The following RBPMS variants were observed in gnomAD, a reference collection of about 807,000 sequenced individuals.
The protein encoded by RBPMS is RNA-binding protein with multiple splicing.
A neutral mutation model predicts 26.8 loss-of-function variants in RBPMS; 7 were observed. The observed-to-expected ratio is 0.26, with a 90% confidence interval of 0.15 to 0.49. RBPMS has a LOEUF of 0.49. Among genes scored for constraint, RBPMS ranks in the 20% least tolerant of loss-of-function variants. The probability of loss-of-function intolerance (pLI) is 0.98; values close to 1 mark genes in which losing one functional copy is unlikely to be tolerated. For synonymous variants in RBPMS, 96 were observed against 93.3 expected (o/e 1.03, Z -0.17); for missense variants, 186 against 250.0 (o/e 0.74, Z 1.73).
At chr8:30,432,072 G>A (rs1256200223) in intron 1 of RBPMS, among the ~76,000 whole-genome samples, 1 of 152,110 alleles carries the variant, frequency 6.6e-6, no homozygotes, top group Non-Finnish European at 1.5e-5. Flanking sequence ...GCTGCAGTGA[G>A]CCATGATCAC....
chr8:30,391,580 T>C (rs774600406), intron 1 of RBPMS, among the ~76,000 whole-genome samples: 7 of 152,178 alleles, frequency 4.6e-5, no homozygotes, highest in Non-Finnish European at 7.4e-5. Flanking sequence ...ATGGATGCTA[T>C]GTTGGTATGA....
intron 6 of RBPMS, among the ~76,000 whole-genome samples, chr8:30,548,481 T>A (rs1585844842): frequency 6.6e-6 from 1 of 152,226 alleles, no homozygotes; most frequent in African/African-American, 2.4e-5. Context: ...AGAGGCCTCA[T>A]TTGTCCAGAG....
chr8:30,442,968 T>G (rs1813287428), intron 1 of RBPMS, among the ~76,000 whole-genome samples: 1 of 152,240 alleles, frequency 6.6e-6, no homozygotes, highest in Non-Finnish European at 1.5e-5. Flanking sequence ...TATTTACTTA[T>G]CATAGCTTTT....
chr8:30,568,911 A>G (rs1232090076), intron 8 of RBPMS, among the ~76,000 whole-genome samples: 3 of 151,908 alleles, frequency 2.0e-5, no homozygotes, highest in African/African-American at 4.9e-5. Flanking sequence ...TCCCATTTAC[A>G]TGGCAGTTAT....
intron 5 of RBPMS, among the ~76,000 whole-genome samples, chr8:30,515,473 T>TC (rs1388378900): frequency 1.3e-5 from 2 of 152,194 alleles, no homozygotes; most frequent in African/African-American, 4.8e-5. Flanking sequence ...CATATTTTTT[T>TC]CATATACTAC....
Position 30,536,056 on chromosome 8 carries a change from T to C in RBPMS, c.398-8438T>C, listed in dbSNP as rs182227403. Among the ~76,000 whole-genome samples the C allele has an allele frequency of 1.8e-3, 266 of 151,804 alleles. 1 individual carries two copies. Among genetic ancestry groups the C allele is most frequent in the Middle Eastern group, 3.4e-3 (1 of 294 alleles). The stretch of plus-strand genomic sequence containing the variant: ...CATGCGCTATGCTAGGTACTGGAGA[T>C]ACAGCAGTAAGCACAACAGACACAG... On this transcript the variant is annotated intron_variant, in intron 5 of 8. Coordinates refer to ENST00000397323, the MANE Select transcript of RBPMS (RefSeq NM_001008710.3).
intron 5 of RBPMS, among the ~76,000 whole-genome samples, chr8:30,541,153 AAG>A (rs1202995592): frequency 6.6e-6 from 1 of 152,162 alleles, no homozygotes; most frequent in Admixed American, 6.5e-5. Context: ...AGTTGTTTCT[AAG>A]AGTCATTCAT....
chr8:30,437,156 C>T (rs951251751), intron 1 of RBPMS, among the ~76,000 whole-genome samples: 6 of 151,622 alleles, frequency 4.0e-5, no homozygotes, highest in African/African-American at 1.5e-4. Context: ...CTCCTGACCT[C>T]ATGATCCGCC....
intron 1 of RBPMS, among the ~76,000 whole-genome samples, chr8:30,424,090 C>T (rs1273932876): frequency 1.3e-5 from 2 of 152,090 alleles, no homozygotes. Context: ...TGCCCACCTC[C>T]GTCTTCCAAA....
chr8:30,421,059 C>T lies in RBPMS; in HGVS notation c.66+35901C>T, dbSNP rs11574517. On this transcript the variant is annotated intron_variant, in intron 1 of 8. Transcript: ENST00000397323. ...ATCCCATGCTTTAAATTTATTTGTG[C>T]TGAATTGTGAAGATGATGAGCTTAA... is the stretch of plus-strand genomic sequence containing the variant. Among the ~76,000 whole-genome samples the T allele has an allele frequency of 8.5e-3, 1,287 of 152,162 alleles. 23 individuals carry two copies. Among genetic ancestry groups the T allele is most frequent in the African/African-American group, 0.028 (1,158 of 41,522 alleles).
At chr8:30,519,462 T>C (rs1018026877) in intron 5 of RBPMS, among the ~76,000 whole-genome samples, 110 of 1,568 alleles carry the variant, frequency 0.07, 3 homozygotes, top group East Asian at 0.12. Context: ...CTCTCTCTTT[T>C]TTTTTTTTTT....
intron 5 of RBPMS, among the ~76,000 whole-genome samples, chr8:30,518,686 A>ATTTTTTTTTTTTT (rs1563402271): frequency 2.5e-4 from 2 of 8,108 alleles, no homozygotes; most frequent in Non-Finnish European, 3.3e-4. Context: ...GCCAAGCATG[A>ATTTTTTTTTTTTT]CTTTTTTTTT....
At chr8:30,417,363 G>T (rs1398538807) in intron 1 of RBPMS, among the ~76,000 whole-genome samples, 1 of 152,038 alleles carries the variant, frequency 6.6e-6, no homozygotes, top group East Asian at 1.9e-4. Context: ...TCACTACTTA[G>T]TCCCAGATAA....
At chr8:30,485,618 G>T (rs28595748) in intron 4 of RBPMS, among the ~76,000 whole-genome samples, 9,369 of 152,230 alleles carry the variant, frequency 0.062, 925 homozygotes, top group African/African-American at 0.21. Flanking sequence ...GTGATGTGGG[G>T]CCATTGGGCC....
At chr8:30,544,670 T>C in intron 6 of RBPMS, 46 bp downstream of exon 6, 1 of 1,611,404 alleles carries the variant, frequency 6.2e-7, no homozygotes, top group Non-Finnish European at 8.5e-7. Context: ...TCACCACCAG[T>C]CCTTTCAAAC....
chr8:30,485,248 G>A (rs1020735787), intron 4 of RBPMS, among the ~76,000 whole-genome samples: 6 of 152,172 alleles, frequency 3.9e-5, no homozygotes, highest in Admixed American at 3.3e-4. Flanking sequence ...TTGTGAGTTA[G>A]GTGAATTATT....
intron 2 of RBPMS, among the ~76,000 whole-genome samples, chr8:30,476,690 A>C (rs1022152236): frequency 6.6e-6 from 1 of 152,202 alleles, no homozygotes; most frequent in Non-Finnish European, 1.5e-5. Context: ...CCTAGTCTGC[A>C]AATCTGTCTC....
intron 1 of RBPMS, among the ~76,000 whole-genome samples, chr8:30,408,957 C>T (rs186417693): frequency 2.6e-5 from 4 of 152,124 alleles, no homozygotes; most frequent in Admixed American, 2.6e-4. Flanking sequence ...GATACAAGAT[C>T]GGTCTTTTGG....
intron 1 of RBPMS, among the ~76,000 whole-genome samples, chr8:30,391,725 G>A (rs533374062): frequency 9.2e-5 from 14 of 152,234 alleles, no homozygotes; most frequent in African/African-American, 2.6e-4. Flanking sequence ...TATGTTTGGC[G>A]GTGGAGGTGG....
Sources: allele counts gnomAD v4.1 joint callset (sites outside exome capture counted in the v4.1 genomes callset), GRCh38; gene constraint gnomAD v4.1.1; transcripts MANE v1.5; gene names NCBI Gene and HGNC (gene_info 2026-07-23, HGNC 2026-07-21).